The following RFX4 variants were observed in gnomAD, a reference collection of about 807,000 sequenced individuals.
The protein encoded by RFX4 is regulatory factor X4, also known as transcription factor RFX4.
In RFX4, 10 loss-of-function variants were observed where a neutral mutation model predicts 95.0. That is an observed-to-expected ratio of 0.11 (90% CI 0.06 to 0.18). RFX4 has a LOEUF of 0.18. Among genes scored for constraint, RFX4 ranks in the 10% least tolerant of loss-of-function variants. The probability of loss-of-function intolerance (pLI) is 1.00; values close to 1 mark genes in which losing one functional copy is unlikely to be tolerated. For synonymous variants in RFX4, 321 were observed against 340.7 expected, an observed-to-expected ratio of 0.94 and a Z score of 0.64; for missense variants, 640 against 922.0, an observed-to-expected ratio of 0.69 and a Z score of 3.96.
intron 4 of RFX4, among the ~76,000 whole-genome samples, chr12:106,675,749 A>G (rs530387499): frequency 6.6e-6 from 1 of 152,324 alleles, no homozygotes; most frequent in South Asian, 2.1e-4. Context: ...CATTAGGCAG[A>G]AAAAGGGTGT....
At chr12:106,758,734 G>T (rs2043155488) in intron 17 of RFX4, among the ~76,000 whole-genome samples, 1 of 152,214 alleles carries the variant, frequency 6.6e-6, no homozygotes, top group Admixed American at 6.5e-5. Flanking sequence ...GTGCTCTCCT[G>T]CTCCTGGGTA....
At chr12:106,637,900 A>G (rs1189457883) in intron 2 of RFX4, among the ~76,000 whole-genome samples, 3 of 152,134 alleles carry the variant, frequency 2.0e-5, no homozygotes, top group Non-Finnish European at 4.4e-5. Context: ...ATAATAGGCA[A>G]TACTAATTTT....
Position 106,614,477 on chromosome 12 carries a change from C to CCGTGTG in RFX4, c.130+5594_130+5595insCGTGTG, listed in dbSNP as rs1555225386. 2.3e-5 allele frequency among the ~76,000 whole-genome samples: 3 copies of CCGTGTG among 127,856 alleles called. No individual in the cohort carries two copies. The South Asian group carries it at 8.8e-4, about 38-fold the overall frequency. The allele number at this position is 127,856 out of a possible 152,430, so 83.9% of individuals were successfully genotyped here. Reference sequence around the variant, plus strand: ...CCCGGCCCTTCTTCACGTCTTTTGCCTGTGTGTGTGTGTGTGTGTGTGTGT... The same window carrying CCGTGTG: ...CCCGGCCCTTCTTCACGTCTTTTGCCCGTGTGTGTGTGTGTGTGTGTGTGTGTGTGT... On this transcript the variant is annotated intron_variant, in intron 2 of 17. Coordinates refer to ENST00000392842, the MANE Select transcript of RFX4 (RefSeq NM_213594.3).
intron 1 of RFX4, among the ~76,000 whole-genome samples, chr12:106,603,995 C>A (rs911792195): frequency 2.6e-5 from 4 of 151,584 alleles, no homozygotes; most frequent in African/African-American, 9.7e-5. Context: ...AGATGATGGA[C>A]AAAAATGACA....
intron 2 of RFX4, among the ~76,000 whole-genome samples, chr12:106,625,918 T>A (rs1362753862): frequency 4.6e-5 from 7 of 152,122 alleles, no homozygotes; most frequent in Non-Finnish European, 8.8e-5. Context: ...AGTGGTAGAG[T>A]TAAGACTTTA....
At chr12:106,721,836 C>T (rs1018582659) in intron 13 of RFX4, among the ~76,000 whole-genome samples, 2 of 152,176 alleles carry the variant, frequency 1.3e-5, no homozygotes, top group African/African-American at 4.8e-5. Flanking sequence ...TGACACTTTT[C>T]CATCTAGCTT....
intron 3 of RFX4, among the ~76,000 whole-genome samples, chr12:106,647,112 T>G (rs1159379803): frequency 1.3e-5 from 2 of 152,228 alleles, no homozygotes; most frequent in Non-Finnish European, 2.9e-5. Context: ...CCCATCTTCC[T>G]TCTGGTAAAC....
At chr12:106,725,202 T>C (rs1461231465) in intron 13 of RFX4, among the ~76,000 whole-genome samples, 1 of 152,152 alleles carries the variant, frequency 6.6e-6, no homozygotes, top group Non-Finnish European at 1.5e-5. Flanking sequence ...GTGCCCCAAA[T>C]GTGAAGTCAC....
chr12:106,623,346 T>C (rs1027741684), intron 2 of RFX4, among the ~76,000 whole-genome samples: 2 of 152,128 alleles, frequency 1.3e-5, no homozygotes, highest in African/African-American at 2.4e-5. Flanking sequence ...TTATAGTGTT[T>C]TTTGCACTTG....
At chr12:106,649,886 T>C (rs995776455) in intron 3 of RFX4, among the ~76,000 whole-genome samples, 1 of 152,186 alleles carries the variant, frequency 6.6e-6, no homozygotes. Flanking sequence ...TCCTCACATC[T>C]GGCAGCATGA....
At chr12:106,685,190 GTC>G (rs1332694441) in intron 5 of RFX4, among the ~76,000 whole-genome samples, 2 of 152,140 alleles carry the variant, frequency 1.3e-5, no homozygotes, top group African/African-American at 4.8e-5. Flanking sequence ...GGGCCCAGGA[GTC>G]TCTATTTTAA....
intron 1 of RFX4, among the ~76,000 whole-genome samples, chr12:106,584,266 A>G (rs2039419629): frequency 6.6e-6 from 1 of 152,068 alleles, no homozygotes; most frequent in South Asian, 2.1e-4. Context: ...ACACTTCTAG[A>G]TCTGTTAACG....
intron 15 of RFX4, among the ~76,000 whole-genome samples, chr12:106,735,696 AT>A (rs58900156): frequency 0.4 from 59,903 of 151,492 alleles, 12,156 homozygotes; most frequent in African/African-American, 0.49. Context: ...ACACACATGT[AT>A]TTTTTTTTCC....
chr12:106,664,326 C>A (rs1328589298), intron 4 of RFX4, among the ~76,000 whole-genome samples: 2 of 151,758 alleles, frequency 1.3e-5, no homozygotes, highest in African/African-American at 2.4e-5. Context: ...TCTAGATTAT[C>A]GAATCTGTGG....
At chr12:106,719,255 C>G (rs142106968) in intron 11 of RFX4, among the ~76,000 whole-genome samples, 3 of 152,356 alleles carry the variant, frequency 2.0e-5, no homozygotes, top group Admixed American at 6.5e-5. Context: ...GGTTCACTTA[C>G]TCAACAAGTA....
At position 106,656,543 on chromosome 12, in the gene RFX4, C is replaced by T. The variant is rs190340517; in HGVS notation, c.315+2192C>T. 3.0e-3 allele frequency among the ~76,000 whole-genome samples: 450 copies of T among 152,256 alleles called. 2 individuals are homozygous for T. Among genetic ancestry groups the T allele is most frequent in the Middle Eastern group, 6.8e-3 (2 of 294 alleles). ...GGTTAACATCCCAAACAGGGTCCTA[C>T]GGAACAGACATCCCCCACTTCAAAA... On this transcript the variant is annotated intron_variant, in intron 4 of 17. Coordinates refer to ENST00000392842, the MANE Select transcript of RFX4 (RefSeq NM_213594.3).
intron 2 of RFX4, among the ~76,000 whole-genome samples, chr12:106,618,432 AT>A (rs2040117645): frequency 6.6e-6 from 1 of 152,128 alleles, no homozygotes; most frequent in South Asian, 2.1e-4. Flanking sequence ...ATTTTGAAGT[AT>A]TAATTTCTTA....
chr12:106,726,175 G>C (rs892543078), intron 13 of RFX4, among the ~76,000 whole-genome samples: 6 of 151,376 alleles, frequency 4.0e-5, no homozygotes, highest in Non-Finnish European at 5.9e-5. Context: ...TTGATCCCGG[G>C]AGGCAGAGGT....
In RFX4 at chr12:106,747,526, A is replaced by T. The variant is rs2042917714; in HGVS notation, c.1723A>T (p.Met575Leu). 6.2e-7 allele frequency: 1 copy of T among 1,614,158 alleles called. No homozygotes were observed. Among genetic ancestry groups the T allele is most frequent in the Non-Finnish European group, 8.5e-7 (1 of 1,180,016 alleles). ...TGAGAACTCCCAACAGCTGCCCTGT[A>T]TGAGGAACACTCATGTGCCTTCTTC... ...PAENSQQLPC[M>L]RNTHVPSSSV... is the part of the protein sequence containing the mutation. The change falls in exon 16 of 18, where the codon ATG (methionine) becomes TTG (leucine). Residue 575 changes from methionine (M) to leucine (L), a missense_variant. Transcript: ENST00000392842.
Sources: gnomAD v4.1 joint callset for allele counts (sites outside exome capture counted in the v4.1 genomes callset) on GRCh38, gnomAD v4.1.1 for gene constraint, MANE v1.5 for transcripts, NCBI Gene and HGNC (gene_info 2026-07-23, HGNC 2026-07-21) for gene names.